SH3RF3: variants seen among roughly 807,000 people sequenced by gnomAD.
The protein encoded by SH3RF3 is SH3 domain containing ring finger 3.
SH3RF3 carries 29 observed loss-of-function variants against 66.3 expected under a neutral mutation model. The observed-to-expected ratio is 0.44, with a 90% CI of 0.33 to 0.60. The LOEUF (loss-of-function observed/expected upper bound fraction) is 0.60, where lower values mean the gene tolerates loss of function less well. Among genes scored for constraint, SH3RF3 ranks in the 20% least tolerant of loss-of-function variants. The pLI, the probability that SH3RF3 is intolerant of heterozygous loss-of-function variation, is 0.04. For synonymous variants in SH3RF3, 583 were observed against 532.0 expected (o/e 1.10, Z -1.32); for missense variants, 1,194 against 1,190.9 (o/e 1.00, Z -0.04).
intron 9 of SH3RF3, among the ~76,000 whole-genome samples, chr2:109,496,048 C>CCA (rs1679251789): frequency 6.6e-6 from 1 of 152,162 alleles, no homozygotes; most frequent in African/African-American, 2.4e-5. Flanking sequence ...TGGAAGGGGA[C>CCA]CCACCGGGTT....
chr2:109,259,937 A>G (rs1645300830), intron 1 of SH3RF3, among the ~76,000 whole-genome samples: 1 of 152,172 alleles, frequency 6.6e-6, no homozygotes, highest in Non-Finnish European at 1.5e-5. Context: ...GGCTCTGCAG[A>G]TGATATCCAT....
At chr2:109,283,171 T>TC (rs1233554419) in intron 1 of SH3RF3, among the ~76,000 whole-genome samples, 2 of 152,136 alleles carry the variant, frequency 1.3e-5, no homozygotes, top group East Asian at 3.9e-4. Context: ...CCTGTGATAG[T>TC]CCCAGAGGTG....
At chr2:109,364,714 ACTC>A (rs1254744290) in intron 2 of SH3RF3, among the ~76,000 whole-genome samples, 1 of 151,668 alleles carries the variant, frequency 6.6e-6, no homozygotes, top group Non-Finnish European at 1.5e-5. Context: ...AGTTTCCCCC[ACTC>A]CTCTGTAGGT....
chr2:109,472,338 C>T (rs1046660326), intron 8 of SH3RF3, among the ~76,000 whole-genome samples: 1 of 152,042 alleles, frequency 6.6e-6, no homozygotes, highest in Non-Finnish European at 1.5e-5. Context: ...CCTGCACTCT[C>T]GGTGGTCTCG....
At chr2:109,227,517 TG>T in intron 1 of SH3RF3, among the ~76,000 whole-genome samples, 1 of 152,250 alleles carries the variant, frequency 6.6e-6, no homozygotes, top group African/African-American at 2.4e-5. Context: ...GGGTGCTTTG[TG>T]TGGGCTCCCG....
chr2:109,489,741 G>A (rs1026445382), intron 8 of SH3RF3, among the ~76,000 whole-genome samples: 25 of 129,588 alleles, frequency 1.9e-4, no homozygotes, highest in African/African-American at 5.6e-4. Flanking sequence ...TTTTTTTGGC[G>A]GGGGGTGGGC....
intron 8 of SH3RF3, among the ~76,000 whole-genome samples, chr2:109,451,043 C>A (rs927043463): frequency 6.6e-6 from 1 of 152,220 alleles, no homozygotes; most frequent in Non-Finnish European, 1.5e-5. Flanking sequence ...CAACATGAGC[C>A]GGGAACGCTG....
At chr2:109,268,297 A>T (rs910773716) in intron 1 of SH3RF3, among the ~76,000 whole-genome samples, 3 of 151,198 alleles carry the variant, frequency 2.0e-5, no homozygotes, top group Admixed American at 6.6e-5. Flanking sequence ...TCCAGGTGGG[A>T]TTGGGGGACA....
chr2:109,257,665 T>C (rs1680253425), intron 1 of SH3RF3, among the ~76,000 whole-genome samples: 1 of 152,142 alleles, frequency 6.6e-6, no homozygotes, highest in African/African-American at 2.4e-5. Flanking sequence ...TGGTTTGCGC[T>C]TCAGGGAAGC....
At chr2:109,454,186 A>G (rs1677969840) in intron 8 of SH3RF3, among the ~76,000 whole-genome samples, 1 of 152,238 alleles carries the variant, frequency 6.6e-6, no homozygotes, top group Non-Finnish European at 1.5e-5. Flanking sequence ...ATAAAATAGG[A>G]GGAAATACTT....
chr2:109,401,652 G>A (rs1676316351), intron 4 of SH3RF3, among the ~76,000 whole-genome samples: 1 of 152,218 alleles, frequency 6.6e-6, no homozygotes. Context: ...AAGAGGGCCA[G>A]GGGCATCTTC....
intron 1 of SH3RF3, among the ~76,000 whole-genome samples, chr2:109,132,939 A>C (rs927394655): frequency 6.6e-6 from 1 of 152,236 alleles, no homozygotes; most frequent in Non-Finnish European, 1.5e-5. Context: ...TGAATATCAG[A>C]CAATTCCAAT....
chr2:109,184,059 C>T (rs1678129840), intron 1 of SH3RF3, among the ~76,000 whole-genome samples: 1 of 152,186 alleles, frequency 6.6e-6, no homozygotes, highest in Non-Finnish European at 1.5e-5. Flanking sequence ...CAGGGTATCA[C>T]GATCTCTCTG....
At chr2:109,394,068 G>A (rs538662045) in intron 3 of SH3RF3, among the ~76,000 whole-genome samples, 53 of 152,208 alleles carry the variant, frequency 3.5e-4, no homozygotes, top group African/African-American at 1.3e-3. Context: ...CCCACCCTCG[G>A]ACGCAGCCAC....
At chr2:109,242,195 C>G (rs889445405) in intron 1 of SH3RF3, among the ~76,000 whole-genome samples, 4 of 152,080 alleles carry the variant, frequency 2.6e-5, no homozygotes, top group African/African-American at 9.7e-5. Flanking sequence ...TTAGGTGGCC[C>G]CTTTTCCTGC....
At chr2:109,269,838 T>G (rs1395966963) in intron 1 of SH3RF3, among the ~76,000 whole-genome samples, 1 of 152,134 alleles carries the variant, frequency 6.6e-6, no homozygotes, top group East Asian at 1.9e-4. Context: ...GGACCAAGAC[T>G]CCAGAATGTT....
chr2:109,192,121 G>A (rs1678381914), intron 1 of SH3RF3, among the ~76,000 whole-genome samples: 1 of 152,174 alleles, frequency 6.6e-6, no homozygotes, highest in South Asian at 2.1e-4. Flanking sequence ...TGGACTCAGA[G>A]TTCTTCACGG....
intron 1 of SH3RF3, among the ~76,000 whole-genome samples, chr2:109,201,367 G>T (rs1263523511): frequency 6.6e-6 from 1 of 152,180 alleles, no homozygotes; most frequent in African/African-American, 2.4e-5. Flanking sequence ...TGGGCTTTGG[G>T]CCTTGGCCCC....
At chr2:109,347,538 T>C in intron 1 of SH3RF3, 136 bp from the exon 2 acceptor site, 2 of 1,192,072 alleles carry the variant, frequency 1.7e-6, no homozygotes, top group Non-Finnish European at 2.3e-6. Flanking sequence ...TAAAATATTT[T>C]CCACTTGCGG....
Sources: allele counts gnomAD v4.1 joint callset (sites outside exome capture counted in the v4.1 genomes callset), GRCh38; gene constraint gnomAD v4.1.1; transcripts MANE v1.5; gene names NCBI Gene and HGNC (gene_info 2026-07-23, HGNC 2026-07-21).